LMO7: variants seen among roughly 807,000 people sequenced by gnomAD.
LMO7 encodes LIM domain 7, also known as LIM domain only protein 7.
LMO7 carries 120 observed loss-of-function variants against 206.5 expected under a neutral mutation model. The ratio of observed to expected loss-of-function variants is 0.58; its 90% CI spans 0.50 to 0.68. The LOEUF (loss-of-function observed/expected upper bound fraction) is 0.68, where lower values mean the gene tolerates loss of function less well. Ranked by LOEUF, LMO7 falls within the 30% of genes least tolerant of loss-of-function variation. The pLI is 0.00. For synonymous variants in LMO7, 706 were observed against 681.5 expected (o/e 1.04, Z -0.56); for missense variants, 1,959 against 1,957.9 (o/e 1.00, Z -0.01).
At chr13:75,755,549 C>T (rs1478670803) in intron 3 of LMO7, among the ~76,000 whole-genome samples, 1 of 152,160 alleles carries the variant, frequency 6.6e-6, no homozygotes, top group East Asian at 1.9e-4. Flanking sequence ...ACATTGACAT[C>T]CCTAATTTCA....
chr13:75,775,935 C>T (rs547174874), intron 4 of LMO7, among the ~76,000 whole-genome samples: 2 of 151,166 alleles, frequency 1.3e-5, no homozygotes, highest in South Asian at 4.2e-4. Context: ...AATAGAACTA[C>T]CATTTGAGCC....
At chr13:75,749,639 G>A (rs774129144) in intron 3 of LMO7, among the ~76,000 whole-genome samples, 2 of 152,144 alleles carry the variant, frequency 1.3e-5, no homozygotes, top group East Asian at 3.9e-4. Flanking sequence ...TGGTTTGGCT[G>A]TTGCTCCAGC....
chr13:75,660,758 A>G (rs2038510433), intron 1 of LMO7, among the ~76,000 whole-genome samples: 2 of 152,012 alleles, frequency 1.3e-5, no homozygotes, highest in African/African-American at 4.8e-5. Context: ...GTTCCTAAAT[A>G]TTACTCCATG....
chr13:75,845,639 A>G (rs1220446358), intron 26 of LMO7, among the ~76,000 whole-genome samples: 1 of 152,248 alleles, frequency 6.6e-6, no homozygotes, highest in Admixed American at 6.5e-5. Flanking sequence ...TTGCAAAGCG[A>G]TGCTGATGCA....
intron 1 of LMO7, among the ~76,000 whole-genome samples, chr13:75,671,242 A>G (rs75235803): frequency 0.012 from 1,787 of 151,730 alleles, 38 homozygotes; most frequent in East Asian, 0.1. Context: ...TTCTAAAACT[A>G]TGATAAACAG....
chr13:75,732,626 G>A (rs745795414), intron 3 of LMO7, among the ~76,000 whole-genome samples: 3 of 152,160 alleles, frequency 2.0e-5, no homozygotes, highest in Admixed American at 6.5e-5. Flanking sequence ...CTCTCAACTC[G>A]TCAAAGTCAT....
chr13:75,713,524 G>C (rs957361688), intron 2 of LMO7, among the ~76,000 whole-genome samples: 2 of 152,132 alleles, frequency 1.3e-5, no homozygotes, highest in Admixed American at 6.6e-5. Context: ...TGGGCCAGTG[G>C]GGGGTGGGTG....
At chr13:75,658,536 C>T (rs558961639) in intron 1 of LMO7, among the ~76,000 whole-genome samples, 1 of 152,136 alleles carries the variant, frequency 6.6e-6, no homozygotes, top group South Asian at 2.1e-4. Context: ...CTAGGAACTT[C>T]ATAGTTTTTG....
chr13:75,730,237 G>C (rs1202404565), intron 3 of LMO7, among the ~76,000 whole-genome samples: 4 of 152,106 alleles, frequency 2.6e-5, no homozygotes, highest in African/African-American at 9.7e-5. Flanking sequence ...GGTAGTATTT[G>C]GCTGTGAATC....
rs1405511333 is a variant in LMO7 at position 75,805,663 on chromosome 13, C to G, written c.1099C>G (p.Gln367Glu). 6.2e-7 allele frequency: 1 copy of G among 1,614,006 alleles called. No individual in the cohort carries two copies. The highest frequency in any genetic ancestry group is 1.1e-5 in the South Asian group (1 of 91,080). Residue 367 changes from glutamine to glutamate, a missense_variant, in exon 9 of 31, where the codon CAG becomes GAG. By Grantham distance (29) the Gln-to-Glu change is conservative. Transcript: ENST00000377534. ...GCCAAACCCAGGGAATGCTTTTGAT[C>G]AGTTTCTTCCCAAATGTTGGACCCC... is the stretch of plus-strand genomic sequence containing the variant. ...VMPNPGNAFD[Q>E]FLPKCWTPED... is the part of the protein sequence containing the mutation.
intron 4 of LMO7, among the ~76,000 whole-genome samples, chr13:75,788,316 G>C (rs1414042647): frequency 2.0e-5 from 3 of 151,792 alleles, no homozygotes; most frequent in Non-Finnish European, 1.5e-5. Context: ...AAAATTAGCC[G>C]AGCGTGTTGG....
At chr13:75,751,285 C>T (rs965094856) in intron 3 of LMO7, among the ~76,000 whole-genome samples, 1 of 149,478 alleles carries the variant, frequency 6.7e-6, no homozygotes, top group African/African-American at 2.5e-5. Context: ...CTCAGCCTCC[C>T]GAATAGCTGG....
intron 1 of LMO7, among the ~76,000 whole-genome samples, chr13:75,702,589 C>T (rs2042353493): frequency 6.6e-6 from 1 of 152,172 alleles, no homozygotes; most frequent in African/African-American, 2.4e-5. Context: ...AGAATTACCC[C>T]TTAAAGGAAT....
chr13:75,805,988 T>A, intron 9 of LMO7: 1 of 1,139,630 alleles, frequency 8.8e-7, no homozygotes, highest in Non-Finnish European at 1.1e-6. Context: ...GCATTATTTT[T>A]AGTAGTTCTG....
At chr13:75,815,484 G>C (rs557687951) in intron 11 of LMO7, among the ~76,000 whole-genome samples, 1 of 152,286 alleles carries the variant, frequency 6.6e-6, no homozygotes, top group South Asian at 2.1e-4. Context: ...AGCTGAGCAG[G>C]TTGTGAAGAG....
At position 75,762,073 on chromosome 13, in the gene LMO7, C is replaced by T. The variant is rs193265522; in HGVS notation, c.317+1035C>T. On this transcript the variant is annotated intron_variant, in intron 4 of 30. Transcript: ENST00000377534. ...GTCTTCCAGCAGTACACAGAACAGC[C>T]CCAAATCCAGGTAGACTTAGTCTTC... Among the ~76,000 whole-genome samples, 12 of 152,204 alleles carry T rather than the reference C, an allele frequency of 7.9e-5. No individual in the cohort carries two copies. The East Asian group carries it at 2.1e-3, about 27-fold the overall frequency.
intron 15 of LMO7, 39 bp downstream of exon 15, chr13:75,823,912 CACTT>C (rs748945533): frequency 3.3e-6 from 5 of 1,517,490 alleles, no homozygotes; most frequent in African/African-American, 1.4e-5. Flanking sequence ...GTGGCTCAGA[CACTT>C]ACACATTTAA....
Position 75,815,806 on chromosome 13 carries a change from T to C in LMO7, c.1947-1355T>C, listed in dbSNP as rs1042350701. Among the ~76,000 whole-genome samples, 7 of 152,096 alleles carry C rather than the reference T, an allele frequency of 4.6e-5. 1 individual carries two copies. The South Asian group carries it at 6.2e-4, about 14-fold the overall frequency. ...CTGAATGAAAGGGCTTGATAACTAA[T>C]GGAAAGTGGGGAGAAGGGAGAAACA... On this transcript the variant is annotated intron_variant, in intron 11 of 30. Coordinates refer to ENST00000377534, the MANE Select transcript of LMO7 (RefSeq NM_001306080.2).
chr13:75,690,522 T>C lies in LMO7; in HGVS notation c.70-22660T>C, dbSNP rs2041377795. Among the ~76,000 whole-genome samples, 3 of 152,220 alleles carry C rather than the reference T, an allele frequency of 2.0e-5. No individual in the cohort carries two copies. In the South Asian group the frequency reaches 6.2e-4, roughly 32 times the overall value. On this transcript the variant is annotated intron_variant, in intron 1 of 30. Transcript: ENST00000377534. The stretch of plus-strand genomic sequence containing the variant: ...GTATTTGAATAAATAAAGTACTTGA[T>C]TGACAAATGTTAATTACAGCATTTG...
Sources: allele counts gnomAD v4.1 joint callset (sites outside exome capture counted in the v4.1 genomes callset), GRCh38; gene constraint gnomAD v4.1.1; transcripts MANE v1.5; gene names NCBI Gene and HGNC (gene_info 2026-07-23, HGNC 2026-07-21).